The following CNTN6 variants were observed in gnomAD, a reference collection of about 807,000 sequenced individuals.
The protein encoded by CNTN6 is contactin-6.
In CNTN6, 137 loss-of-function variants were observed where a neutral mutation model predicts 122.8. The ratio of observed to expected loss-of-function variants is 1.12; its 90% CI spans 0.97 to 1.29. CNTN6 has a LOEUF of 1.29. Among genes scored for constraint, CNTN6 ranks in the 50% most tolerant of loss-of-function variants. The pLI is 0.00. For synonymous variants in CNTN6, 570 were observed against 426.0 expected (o/e 1.34, Z -4.16); for missense variants, 1,634 against 1,223.4 (o/e 1.34, Z -5.01).
intron 2 of CNTN6, among the ~76,000 whole-genome samples, chr3:1,168,571 G>A (rs965553243): frequency 2.6e-5 from 4 of 151,668 alleles, no homozygotes; most frequent in Non-Finnish European, 5.9e-5. Context: ...TGTGCAATAA[G>A]GAGTTATCTT....
intron 22 of CNTN6, 179 bp downstream of exon 22, chr3:1,402,665 C>G (rs978444882): frequency 6.4e-5 from 31 of 488,126 alleles, no homozygotes; most frequent in Admixed American, 1.5e-4. Context: ...ATAACATACA[C>G]TATAAATGGT....
At chr3:1,211,364 T>A in intron 2 of CNTN6, among the ~76,000 whole-genome samples, 1 of 152,166 alleles carries the variant, frequency 6.6e-6, no homozygotes, top group East Asian at 1.9e-4. Context: ...GGCTTTCTAA[T>A]GTATGTGAGT....
At chr3:1,311,157 TAC>T (rs200529228) in intron 7 of CNTN6, among the ~76,000 whole-genome samples, 1 of 141,312 alleles carries the variant, frequency 7.1e-6, no homozygotes, top group Non-Finnish European at 1.6e-5. Context: ...TCTTTATATA[TAC>T]ATAGGTGTAT....
chr3:1,344,936 C>T (rs1704443967), intron 11 of CNTN6, among the ~76,000 whole-genome samples: 1 of 152,016 alleles, frequency 6.6e-6, no homozygotes, highest in Admixed American at 6.6e-5. Context: ...TCATGTCTCT[C>T]TTGAGACAGT....
At chr3:1,156,010 C>T (rs1388236035) in intron 2 of CNTN6, among the ~76,000 whole-genome samples, 2 of 152,190 alleles carry the variant, frequency 1.3e-5, no homozygotes, top group African/African-American at 4.8e-5. Flanking sequence ...ATTCAATTTC[C>T]TTCAACAAAT....
rs775591980 is a variant in CNTN6 at position 1,321,720 on chromosome 3, T to G, written c.832T>G (p.Ser278Ala). The change falls in exon 8 of 23, where the codon TCC (serine) becomes GCC (alanine). Residue 278 changes from serine to alanine, a missense_variant. Coordinates refer to ENST00000446702, the MANE Select transcript of CNTN6 (RefSeq NM_001289080.2). ...GCCAGGGAAAGTCAAGTACAGCAAATCCCAAGCTATCCTTGAAATCCCGAA... is the reference window on the plus strand; with the variant it reads ...GCCAGGGAAAGTCAAGTACAGCAAAGCCCAAGCTATCCTTGAAATCCCGAA... ...PLPGKVKYSK[S>A]QAILEIPNFQ... is the part of the protein sequence containing the mutation. 55 of 1,611,726 alleles carry G rather than the reference T, an allele frequency of 3.4e-5. No individual in the cohort carries two copies. In the East Asian group the frequency reaches 1.2e-3, roughly 35 times the overall value.
chr3:1,216,090 G>C (rs1016807303), intron 2 of CNTN6, among the ~76,000 whole-genome samples: 1 of 151,994 alleles, frequency 6.6e-6, no homozygotes, highest in African/African-American at 2.4e-5. Context: ...GAGTGCATGG[G>C]CATGACATTA....
At chr3:1,240,452 G>A (rs1008869730) in intron 4 of CNTN6, among the ~76,000 whole-genome samples, 11 of 152,176 alleles carry the variant, frequency 7.2e-5, no homozygotes, top group African/African-American at 2.7e-4. Flanking sequence ...TCAGAAAAAT[G>A]TAAATCAAAA....
intron 5 of CNTN6, among the ~76,000 whole-genome samples, chr3:1,281,774 G>A (rs945074752): frequency 6.6e-6 from 1 of 152,158 alleles, no homozygotes; most frequent in African/African-American, 2.4e-5. Context: ...TGATAACTTA[G>A]TTCTGTTGTC....
At position 1,383,379 on chromosome 3, in the gene CNTN6, A is replaced by G; in HGVS notation, c.2488A>G (p.Arg830Gly). The G allele has an allele frequency of 6.2e-7, 1 of 1,613,960 alleles. No homozygotes were observed. Among genetic ancestry groups the G allele is most frequent in the Non-Finnish European group, 8.5e-7 (1 of 1,179,830 alleles). Residue 830 changes from arginine to glycine, a missense_variant, in exon 19 of 23, where the codon AGA becomes GGA. Arg to Gly is a moderately radical substitution (Grantham distance 125). Transcript: ENST00000446702. ...EVSWNAIAWNRNTGRVLGYEV... is the reference protein window; with the variant it reads ...EVSWNAIAWNGNTGRVLGYEV... ...TTCATGGAATGCTATTGCCTGGAAT[A>G]GAAACACTGGAAGAGTGCTGGGCTA...
intron 7 of CNTN6, among the ~76,000 whole-genome samples, chr3:1,300,467 GGAA>G (rs879442407): frequency 0.033 from 4,289 of 130,126 alleles, 307 homozygotes; most frequent in African/African-American, 0.16. Flanking sequence ...AAGGAAGGAA[GGAA>G]GGAAGGAAGG....
intron 1 of CNTN6, among the ~76,000 whole-genome samples, chr3:1,146,321 T>A (rs1341079703): frequency 1.3e-5 from 2 of 152,094 alleles, no homozygotes; most frequent in Non-Finnish European, 2.9e-5. Flanking sequence ...CTTTCTCATA[T>A]CTTTGAACAG....
At chr3:1,337,048 A>C (rs1200786728) in intron 11 of CNTN6, among the ~76,000 whole-genome samples, 1 of 152,174 alleles carries the variant, frequency 6.6e-6, no homozygotes, top group Non-Finnish European at 1.5e-5. Flanking sequence ...CTTCATGGGT[A>C]AAATGGTCCC....
At chr3:1,334,051 A>T (rs1702698400) in intron 11 of CNTN6, among the ~76,000 whole-genome samples, 2 of 152,272 alleles carry the variant, frequency 1.3e-5, no homozygotes, top group East Asian at 3.9e-4. Flanking sequence ...CTGTTTTAAG[A>T]GTTCTGTTCC....
rs144874066 is a variant in CNTN6, at chr3:1,260,653, G to C, written c.359-17760G>C. 1.5e-3 allele frequency among the ~76,000 whole-genome samples: 235 copies of C among 152,174 alleles called. 1 individual carries two copies. The highest frequency in any genetic ancestry group is 2.5e-3 in the Non-Finnish European group (171 of 67,994). On this transcript the variant is annotated intron_variant, in intron 4 of 22. Coordinates refer to ENST00000446702, the MANE Select transcript of CNTN6 (RefSeq NM_001289080.2). The stretch of plus-strand genomic sequence containing the variant: ...ATTGCAGTTCTCATAATCTCCACCT[G>C]TTGGGGGAGGGATCCTGTGGGAGGT...
chr3:1,352,764 T>C (rs1705859768), intron 12 of CNTN6, among the ~76,000 whole-genome samples: 1 of 151,820 alleles, frequency 6.6e-6, no homozygotes, highest in Non-Finnish European at 1.5e-5. Context: ...ATAAAGTCAC[T>C]GGATAACATT....
At chr3:1,093,888 G>A (rs1010728893) in intron 1 of CNTN6, among the ~76,000 whole-genome samples, 1 of 152,116 alleles carries the variant, frequency 6.6e-6, no homozygotes, top group Non-Finnish European at 1.5e-5. Context: ...TGGGGTTTGG[G>A]GGGAAAATTG....
chr3:1,316,111 G>A (rs903442492), intron 7 of CNTN6, among the ~76,000 whole-genome samples: 4 of 151,802 alleles, frequency 2.6e-5, no homozygotes, highest in Non-Finnish European at 5.9e-5. Flanking sequence ...TAGGCAGTAT[G>A]GTAAGCATGT....
chr3:1,289,907 C>A (rs1460997872), intron 5 of CNTN6, among the ~76,000 whole-genome samples: 1 of 152,152 alleles, frequency 6.6e-6, no homozygotes, highest in Non-Finnish European at 1.5e-5. Flanking sequence ...ATCTCCTGAC[C>A]TCGTGATCCG....
Sources: gnomAD v4.1 joint callset for allele counts (sites outside exome capture counted in the v4.1 genomes callset) on GRCh38, gnomAD v4.1.1 for gene constraint, MANE v1.5 for transcripts, NCBI Gene and HGNC (gene_info 2026-07-23, HGNC 2026-07-21) for gene names.